The following SHB variants were observed in gnomAD, a reference collection of about 807,000 sequenced individuals.
SHB encodes SH2 domain-containing adapter protein B.
In SHB, 20 loss-of-function variants were observed where a neutral mutation model predicts 52.3. That is an observed-to-expected ratio of 0.38 (90% CI 0.27 to 0.56). The LOEUF is 0.56. Ranked by LOEUF, SHB falls within the 20% of genes least tolerant of loss-of-function variation. The pLI is 0.71. For synonymous variants in SHB, 397 were observed against 316.5 expected (o/e 1.25, Z -2.70); for missense variants, 825 against 723.3 (o/e 1.14, Z -1.61).
At chr9:37,947,801 G>A (rs1054337060) in intron 5 of SHB, among the ~76,000 whole-genome samples, 1 of 152,240 alleles carries the variant, frequency 6.6e-6, no homozygotes, top group Non-Finnish European at 1.5e-5. Flanking sequence ...GGGACAGAGA[G>A]GATGCCAGGC....
chr9:37,918,487 CTGTGTGTGTG>C lies in SHB; in HGVS notation c.*1324_*1333del, dbSNP rs35453970. ...TGGAAGCAGTGTGGACCACTGAGGGCTGTGTGTGTGTGTGTGTGTGTGTGTGTAGGTGTTC... is the reference window on the plus strand; with the variant it reads ...TGGAAGCAGTGTGGACCACTGAGGGCTGTGTGTGTGTGTGTGTAGGTGTTC... On this transcript the variant is annotated 3_prime_UTR_variant, in exon 6 of 6. Transcript: ENST00000377707. Among the ~76,000 whole-genome samples, 5 of 45,512 alleles carry C rather than the reference CTGTGTGTGTG, an allele frequency of 1.1e-4. No homozygotes were observed. Among genetic ancestry groups the C allele is most frequent in the South Asian group, 9.3e-4 (1 of 1,076 alleles). 29.9% of individuals were successfully genotyped at this position (45,512 alleles called of 152,430 possible). A position where few individuals can be genotyped will look rare whatever the true frequency, so the allele number is the denominator to read the frequency against.
At chr9:38,020,917 AC>A (rs1821274297) in intron 1 of SHB, among the ~76,000 whole-genome samples, 1 of 152,092 alleles carries the variant, frequency 6.6e-6, no homozygotes, top group Non-Finnish European at 1.5e-5. Flanking sequence ...AGGCCAATTT[AC>A]TCTCAGCAAA....
chr9:38,068,547 T>A lies in SHB; in HGVS notation c.99A>T (p.Arg33=). The A allele has an allele frequency of 7.2e-6, 10 of 1,385,570 alleles. No individual in the cohort carries two copies. The highest frequency in any genetic ancestry group is 7.6e-6 in the Non-Finnish European group (8 of 1,054,294). The allele number at this position is 1,385,570 out of a possible 1,614,324, so 85.8% of individuals were successfully genotyped here. ...GGGGGGGCTGCGAAGGCCGCTCGCC[T>A]CGGCGCCGCTGCTCGCGGTAGTCTG... ...PRPDYREQRR[R]GERPSQPPQA... The change falls in exon 1 of 6, where the codon CGA becomes CGT. Residue 33 remains arginine (R), a synonymous_variant. Transcript: ENST00000377707.
intron 1 of SHB, among the ~76,000 whole-genome samples, chr9:38,026,378 C>T (rs1238042260): frequency 1.3e-5 from 2 of 152,242 alleles, no homozygotes; most frequent in African/African-American, 4.8e-5. Flanking sequence ...TGATCAGCTG[C>T]AGAGGCGCGG....
chr9:37,983,892 G>A (rs781196454), intron 2 of SHB, among the ~76,000 whole-genome samples: 3 of 152,192 alleles, frequency 2.0e-5, no homozygotes. Flanking sequence ...CCACCTGGAG[G>A]GAGGCAAAGC....
chr9:37,989,040 C>T (rs1820846303), intron 2 of SHB, among the ~76,000 whole-genome samples: 1 of 100,526 alleles, frequency 9.9e-6, no homozygotes, highest in Non-Finnish European at 2.0e-5. Context: ...TCACATGATC[C>T]ATTTTTTTTT....
At chr9:38,067,210 G>C (rs1173497833) in intron 1 of SHB, among the ~76,000 whole-genome samples, 2 of 152,180 alleles carry the variant, frequency 1.3e-5, no homozygotes, top group Non-Finnish European at 2.9e-5. Flanking sequence ...AGCAGGTGAG[G>C]ATAGGAGGGG....
intron 2 of SHB, among the ~76,000 whole-genome samples, chr9:37,995,252 G>A (rs1820933741): frequency 6.6e-6 from 1 of 152,164 alleles, no homozygotes; most frequent in South Asian, 2.1e-4. Context: ...CCACATGACC[G>A]CTGAGGCTCC....
At chr9:37,927,711 GC>G (rs920621811) in intron 5 of SHB, among the ~76,000 whole-genome samples, 64 of 152,306 alleles carry the variant, frequency 4.2e-4, no homozygotes, top group Admixed American at 5.2e-4. Flanking sequence ...GAGGGAGTAA[GC>G]CTCCCATTAC....
intron 4 of SHB, among the ~76,000 whole-genome samples, chr9:37,952,724 A>C (rs1832580021): frequency 6.6e-6 from 1 of 152,026 alleles, no homozygotes; most frequent in South Asian, 2.1e-4. Context: ...CCGGCAAAAA[A>C]AGGAATCAAG....
chr9:38,010,032 CTAAG>C, intron 2 of SHB, among the ~76,000 whole-genome samples: 1 of 152,270 alleles, frequency 6.6e-6, no homozygotes, highest in South Asian at 2.1e-4. Context: ...AAAAGGCGGC[CTAAG>C]TAACTAAATT....
At chr9:38,040,092 G>A (rs1821554956) in intron 1 of SHB, among the ~76,000 whole-genome samples, 1 of 152,222 alleles carries the variant, frequency 6.6e-6, no homozygotes, top group Non-Finnish European at 1.5e-5. Context: ...ACTACCTCAG[G>A]TCAGCCGGTC....
At chr9:38,003,245 T>C (rs1412998595) in intron 2 of SHB, among the ~76,000 whole-genome samples, 1 of 151,874 alleles carries the variant, frequency 6.6e-6, no homozygotes, top group Non-Finnish European at 1.5e-5. Flanking sequence ...GTGGGTGCTT[T>C]TCACAATTCT....
rs1832111320 is a variant in SHB, at chr9:37,917,201, G to A, written c.*2620C>T. Among the ~76,000 whole-genome samples the A allele has an allele frequency of 6.6e-6, 1 of 152,124 alleles. No homozygotes were observed. The highest frequency in any genetic ancestry group is 1.5e-5 in the Non-Finnish European group (1 of 68,036). On this transcript the variant is annotated 3_prime_UTR_variant, in exon 6 of 6. Transcript: ENST00000377707. ...CACAATTAGAGGAAGAAGAGGGAGA[G>A]GTTCATAAAATTAAGGGAAAAAAAT...
intron 4 of SHB, among the ~76,000 whole-genome samples, chr9:37,952,605 G>C (rs1015096849): frequency 6.6e-6 from 1 of 152,210 alleles, no homozygotes; most frequent in Non-Finnish European, 1.5e-5. Context: ...CAGGATGCTA[G>C]TGAAGTAGTT....
chr9:37,943,335 G>GTGACTA (rs1292396914), intron 5 of SHB, among the ~76,000 whole-genome samples: 2 of 152,148 alleles, frequency 1.3e-5, no homozygotes, highest in Non-Finnish European at 2.9e-5. Flanking sequence ...AGTTATAGGT[G>GTGACTA]TAAGTGTCTT....
chr9:37,921,595 T>A (rs1466859408), intron 5 of SHB, among the ~76,000 whole-genome samples: 2 of 152,354 alleles, frequency 1.3e-5, no homozygotes, highest in South Asian at 4.1e-4. Flanking sequence ...GAACTGGAAT[T>A]TAAATCAAGA....
intron 1 of SHB, among the ~76,000 whole-genome samples, chr9:38,061,680 TG>T (rs760530263): frequency 6.6e-6 from 1 of 152,174 alleles, no homozygotes; most frequent in Non-Finnish European, 1.5e-5. Flanking sequence ...GGTTAAGCCC[TG>T]GGGTAATCAG....
chr9:38,016,957 G>T (rs1036659136), intron 1 of SHB, among the ~76,000 whole-genome samples: 1 of 152,204 alleles, frequency 6.6e-6, no homozygotes, highest in South Asian at 2.1e-4. Flanking sequence ...GTCACCTGGG[G>T]GTGGGGGGCA....
Sources: allele counts gnomAD v4.1 joint callset (sites outside exome capture counted in the v4.1 genomes callset), GRCh38; gene constraint gnomAD v4.1.1; transcripts MANE v1.5; gene names NCBI Gene and HGNC (gene_info 2026-07-23, HGNC 2026-07-21).